The following MSH6 variants were observed in gnomAD, a reference collection of about 807,000 sequenced individuals.
MSH6 encodes mutS homolog 6.
A neutral mutation model predicts 119.1 loss-of-function variants in MSH6; 85 were observed. The observed-to-expected ratio is 0.71, with a 90% CI of 0.60 to 0.85. MSH6 has a LOEUF of 0.85. MSH6 is among the 40% of genes least tolerant of loss of function. The pLI, the probability that MSH6 is intolerant of heterozygous loss-of-function variation, is 0.00. For synonymous variants in MSH6, 830 were observed against 586.9 expected (o/e 1.41, Z -5.99); for missense variants, 2,163 against 1,655.3 (o/e 1.31, Z -5.32).
At chr2:47,797,780 T>C (rs1044137115) in intron 3 of MSH6, 4 of 196,952 alleles carry the variant, frequency 2.0e-5, no homozygotes, top group Admixed American at 4.7e-5. Flanking sequence ...CAAGATGTTA[T>C]TGTCTTCATA....
In MSH6 at chr2:47,803,631, T is replaced by C. The variant is rs544518097; in HGVS notation, c.3384T>C (p.Tyr1128=). The change falls in exon 5 of 10, where the codon TAT becomes TAC. Residue 1128 remains tyrosine (Y), a synonymous_variant. Coordinates refer to ENST00000234420, the MANE Select transcript of MSH6 (RefSeq NM_000179.3). ...AGGAGCAGGAAAATGGCAAAGCCTA[T>C]TGTGTGCTTGTTACTGGACCAAATA... ...EEEEQENGKA[Y]CVLVTGPNMG... The C allele has an allele frequency of 1.1e-4, 171 of 1,614,248 alleles. 2 individuals carry two copies. In the South Asian group the frequency reaches 1.8e-3, roughly 17 times the overall value.
At position 47,798,693 on chromosome 2, in the gene MSH6, G is replaced by T. The variant is rs1558659010; in HGVS notation, c.710G>T (p.Gly237Val). The T allele has an allele frequency of 6.2e-7, 1 of 1,614,022 alleles. No homozygotes were observed. The highest frequency in any genetic ancestry group is 8.5e-7 in the Non-Finnish European group (1 of 1,180,026). The change falls in exon 4 of 10, where the codon GGA (glycine) becomes GTA (valine). Residue 237 changes from glycine to valine, a missense_variant. Coordinates refer to ENST00000234420, the MANE Select transcript of MSH6 (RefSeq NM_000179.3). ...SEEEVQPKTQGSRRSSRQIKK... is the reference protein window; with the variant it reads ...SEEEVQPKTQVSRRSSRQIKK... ...GAGGAAGTACAGCCTAAGACACAAG[G>T]ATCTAGGCGAAGTAGCCGCCAAATA...
rs565102128 is a variant in MSH6, at chr2:47,783,815, AGCTCC to A, written c.260+324_260+328del. On this transcript the variant is annotated intron_variant, in intron 1 of 9. Coordinates refer to ENST00000234420, the MANE Select transcript of MSH6 (RefSeq NM_000179.3). ...GGGCTAAGGAAGGGGCGACGCGCGC[AGCTCC>A]GGGTGGGGAGGGGGCCTGGGAGGTG... The A allele has an allele frequency of 1.5e-4, 84 of 543,792 alleles. No homozygotes were observed. In the African/African-American group the frequency reaches 1.8e-3, roughly 12 times the overall value. 33.7% of individuals were successfully genotyped at this position (543,792 alleles called of 1,614,324 possible).
In MSH6 at chr2:47,803,699, A is replaced by G. The variant is rs2020911; in HGVS notation, c.3438+14A>G. ...CTTATGAGACAGGTAACTGATTCTTAAAGTTTTGTTATCAGAAAGTCATTT... is the reference window on the plus strand; with the variant it reads ...CTTATGAGACAGGTAACTGATTCTTGAAGTTTTGTTATCAGAAAGTCATTT... On this transcript the variant is annotated intron_variant, in intron 5 of 9. Transcript: ENST00000234420. 1.2e-6 allele frequency: 2 copies of G among 1,613,608 alleles called. No homozygotes were observed. Among genetic ancestry groups the G allele is most frequent in the South Asian group, 2.2e-5 (2 of 91,068 alleles).
At chr2:47,794,744 A>C (rs1668965511) in intron 2 of MSH6, among the ~76,000 whole-genome samples, 1 of 152,102 alleles carries the variant, frequency 6.6e-6, no homozygotes, top group Non-Finnish European at 1.5e-5. Flanking sequence ...ACAAACTCAT[A>C]TTTAATATCA....
chr2:47,800,682 G>T lies in MSH6; in HGVS notation c.2699G>T (p.Gly900Val), dbSNP rs2104419774. 2 of 1,614,126 alleles carry T rather than the reference G, an allele frequency of 1.2e-6. No homozygotes were observed. The highest frequency in any genetic ancestry group is 1.7e-6 in the Non-Finnish European group (2 of 1,180,018). ...TCTCTGCAGACAAAAAATCCTGAAG[G>T]TCGTTTTCCTGATTTGACTGTAGAA... ...VISLQTKNPE[G>V]RFPDLTVELN... Residue 900 changes from glycine (G) to valine (V), a missense_variant, in exon 4 of 10, where the codon GGT becomes GTT. By Grantham distance (109) the Gly-to-Val change is moderately radical. Coordinates refer to ENST00000234420, the MANE Select transcript of MSH6 (RefSeq NM_000179.3).
At chr2:47,796,375 G>C (rs1200117015) in intron 3 of MSH6, among the ~76,000 whole-genome samples, 1 of 151,862 alleles carries the variant, frequency 6.6e-6, no homozygotes, top group East Asian at 1.9e-4. Context: ...TGAGGGTATA[G>C]TCAGGCCCTA....
chr2:47,791,148 G>A (rs552854752), intron 2 of MSH6, 25 bp downstream of exon 2: 2 of 1,583,734 alleles, frequency 1.3e-6, no homozygotes, highest in East Asian at 2.2e-5. Context: ...TGCCATGTGT[G>A]TGTGTTTGTG....
chr2:47,789,463 A>AT, intron 1 of MSH6: 1 of 458,264 alleles, frequency 2.2e-6, no homozygotes, highest in South Asian at 1.7e-5. Flanking sequence ...GGAAGACATT[A>AT]TTTTTTTAAT....
chr2:47,802,755 T>C lies in MSH6; in HGVS notation c.3173-665T>C, dbSNP rs57935065. On this transcript the variant is annotated intron_variant, in intron 4 of 9. Coordinates refer to ENST00000234420, the MANE Select transcript of MSH6 (RefSeq NM_000179.3). ...TGGAACAGAATAATATACTTCCTTTTAGTGTGCTGCATTTGGTTACTGGGT... is the reference window on the plus strand; with the variant it reads ...TGGAACAGAATAATATACTTCCTTTCAGTGTGCTGCATTTGGTTACTGGGT... Among the ~76,000 whole-genome samples the C allele has an allele frequency of 2.0e-4, 31 of 152,194 alleles. No individual in the cohort carries two copies. In the East Asian group the frequency reaches 5.4e-3, roughly 26 times the overall value.
rs776745497 is a variant in MSH6 at position 47,783,276 on chromosome 2, C to T, written c.43C>T (p.Pro15Ser). The T allele has an allele frequency of 1.1e-5, 18 of 1,612,128 alleles. No homozygotes were observed. The South Asian group carries it at 1.3e-4, about 12-fold the overall frequency. The change falls in exon 1 of 10, where the codon CCG becomes TCG. Residue 15 changes from proline (P) to serine (S), a missense_variant. Coordinates refer to ENST00000234420, the MANE Select transcript of MSH6 (RefSeq NM_000179.3). The stretch of plus-strand genomic sequence containing the variant: ...CCTGTACAGCTTCTTCCCCAAGTCT[C>T]CGGCGCTGAGTGATGCCAACAAGGC... ...STLYSFFPKS[P>S]ALSDANKASA...
intron 2 of MSH6, among the ~76,000 whole-genome samples, chr2:47,791,866 G>C (rs1347544878): frequency 3.3e-5 from 5 of 150,126 alleles, no homozygotes; most frequent in East Asian, 2.0e-4. Context: ...TTTTTTTTGA[G>C]ACGGAGTTTT....
chr2:47,805,689 G>C lies in MSH6; in HGVS notation c.3628G>C (p.Val1210Leu), dbSNP rs759216143. ...CATGCATGCAACAGCACATTCTCTGGTGCTTGTGGATGAATTAGGTAAGAC... is the reference window on the plus strand; with the variant it reads ...CATGCATGCAACAGCACATTCTCTGCTGCTTGTGGATGAATTAGGTAAGAC... ...ILMHATAHSL[V>L]LVDELGRGTA... Residue 1210 changes from valine (V) to leucine (L), a missense_variant, in exon 7 of 10, where the codon GTG (valine) becomes CTG (leucine). Coordinates refer to ENST00000234420, the MANE Select transcript of MSH6 (RefSeq NM_000179.3). 6.2e-7 allele frequency: 1 copy of C among 1,611,910 alleles called. No homozygotes were observed. The highest frequency in any genetic ancestry group is 2.2e-5 in the East Asian group (1 of 44,842).
At chr2:47,808,451 C>G, downstream of MSH6, 1 of 1,553,710 alleles carries the variant, frequency 6.4e-7, no homozygotes, top group South Asian at 1.2e-5. Context: ...GCTTAAATTA[C>G]TTTTCTCAAA....
intron 1 of MSH6, chr2:47,789,354 C>G (rs1668583786): frequency 4.9e-6 from 2 of 408,938 alleles, no homozygotes; most frequent in Admixed American, 7.3e-5. Flanking sequence ...TATTTTATTT[C>G]AGAAAGGAAT....
intron 1 of MSH6, among the ~76,000 whole-genome samples, chr2:47,788,728 C>G (rs546349888): frequency 2.2e-4 from 33 of 149,580 alleles, no homozygotes; most frequent in Non-Finnish European, 4.4e-4. Flanking sequence ...TGCCACCATG[C>G]CCAGCTAATT....
chr2:47,796,742 C>A (rs1669119811), intron 3 of MSH6, among the ~76,000 whole-genome samples: 1 of 152,172 alleles, frequency 6.6e-6, no homozygotes, highest in African/African-American at 2.4e-5. Flanking sequence ...AGTTGGATGT[C>A]CTGAGGACAG....
chr2:47,788,922 G>GTTTTTTTTTTTTTTTTTTTTTTTTT lies in MSH6; in HGVS notation c.261-2004_261-1980dup, dbSNP rs1558650240. On this transcript the variant is annotated intron_variant, in intron 1 of 9. Coordinates refer to ENST00000234420, the MANE Select transcript of MSH6 (RefSeq NM_000179.3). ...TTTCTTCTTCCTTTTTTTTTTTTTT[G>GTTTTTTTTTTTTTTTTTTTTTTTTT]TTTTTTTTTTTTTTTTTTTTTTTTT... 1.7e-4 allele frequency among the ~76,000 whole-genome samples: 7 copies of GTTTTTTTTTTTTTTTTTTTTTTTTT among 40,952 alleles called. 1 individual carries two copies. Among genetic ancestry groups the GTTTTTTTTTTTTTTTTTTTTTTTTT allele is most frequent in the East Asian group, 9.0e-4 (1 of 1,112 alleles). 26.9% of individuals were successfully genotyped at this position (40,952 alleles called of 152,430 possible). A position where few individuals can be genotyped will look rare whatever the true frequency, so the allele number is the denominator to read the frequency against.
At chr2:47,802,109 C>G (rs772686823) in intron 4 of MSH6, among the ~76,000 whole-genome samples, 1 of 152,166 alleles carries the variant, frequency 6.6e-6, no homozygotes, top group African/African-American at 2.4e-5. Flanking sequence ...TTATTACAAC[C>G]TTTGCATTTC....
Sources: allele counts gnomAD v4.1 joint callset (sites outside exome capture counted in the v4.1 genomes callset), GRCh38; gene constraint gnomAD v4.1.1; transcripts MANE v1.5; gene names NCBI Gene and HGNC (gene_info 2026-07-23, HGNC 2026-07-21).